ANKRD17: variants seen among roughly 807,000 people sequenced by gnomAD.
ANKRD17 encodes ankyrin repeat domain 17, also known as ankyrin repeat domain-containing protein 17.
ANKRD17 carries 19 observed loss-of-function variants against 229.7 expected under a neutral mutation model. That is an observed-to-expected ratio of 0.08 (90% CI 0.06 to 0.12). The LOEUF is 0.12. Among genes scored for constraint, ANKRD17 ranks in the 10% least tolerant of loss-of-function variants. The pLI is 1.00. For missense variants in ANKRD17, 2,176 were observed against 3,176.8 expected, an observed-to-expected ratio of 0.68 and a Z score of 7.57; for synonymous variants, 1,112 against 1,146.1, an observed-to-expected ratio of 0.97 and a Z score of 0.60.
intron 3 of ANKRD17, among the ~76,000 whole-genome samples, chr4:73,159,477 T>C (rs180861905): frequency 9.3e-4 from 141 of 152,348 alleles, no homozygotes; most frequent in Non-Finnish European, 1.7e-3. Flanking sequence ...GCCTGGCACA[T>C]GGCACTGTCC....
At chr4:73,245,360 G>GC (rs1217839136) in intron 1 of ANKRD17, among the ~76,000 whole-genome samples, 1 of 152,160 alleles carries the variant, frequency 6.6e-6, no homozygotes. Flanking sequence ...CTGACTTTAA[G>GC]CCAGGGTGAT....
At chr4:73,133,695 T>C (rs1212805320) in intron 16 of ANKRD17, among the ~76,000 whole-genome samples, 1 of 151,770 alleles carries the variant, frequency 6.6e-6, no homozygotes, top group Non-Finnish European at 1.5e-5. Flanking sequence ...CGCCCGGCCA[T>C]CTCGTATTTT....
intron 27 of ANKRD17, among the ~76,000 whole-genome samples, chr4:73,094,897 G>A (rs1375351943): frequency 6.6e-6 from 1 of 152,088 alleles, no homozygotes; most frequent in African/African-American, 2.4e-5. Context: ...ATGACTGGGA[G>A]TGGTGGCTCA....
At chr4:73,106,490 A>G (rs1724634781) in intron 24 of ANKRD17, among the ~76,000 whole-genome samples, 1 of 152,186 alleles carries the variant, frequency 6.6e-6, no homozygotes, top group Non-Finnish European at 1.5e-5. Context: ...CTGGAGAAAT[A>G]AGAGAGAAGA....
chr4:73,251,500 C>T (rs1053885891), intron 1 of ANKRD17, among the ~76,000 whole-genome samples: 7 of 151,618 alleles, frequency 4.6e-5, no homozygotes, highest in African/African-American at 7.3e-5. Flanking sequence ...TTACCCACCA[C>T]CTTCAATTCC....
intron 27 of ANKRD17, among the ~76,000 whole-genome samples, chr4:73,096,248 T>A (rs976030718): frequency 9.2e-5 from 14 of 152,208 alleles, no homozygotes; most frequent in Admixed American, 7.9e-4. Flanking sequence ...CCAAACTGTA[T>A]AACACAGTAT....
chr4:73,253,942 C>A (rs1260618332), intron 1 of ANKRD17, among the ~76,000 whole-genome samples: 2 of 152,160 alleles, frequency 1.3e-5, no homozygotes, highest in African/African-American at 4.8e-5. Context: ...ACTAGTTATT[C>A]ACTAAAAATG....
intron 30 of ANKRD17, among the ~76,000 whole-genome samples, chr4:73,082,345 G>C (rs1191540953): frequency 1.3e-5 from 2 of 151,748 alleles, no homozygotes. Flanking sequence ...AACATTAGCT[G>C]GGTGCTATGG....
intron 21 of ANKRD17, 28 bp from the exon 22 acceptor site, chr4:73,118,878 GTC>G: frequency 4.5e-5 from 43 of 946,158 alleles, no homozygotes; most frequent in Non-Finnish European, 5.8e-5. Context: ...AGATAGCATT[GTC>G]TTTTTTTTTT....
intron 10 of ANKRD17, among the ~76,000 whole-genome samples, chr4:73,145,592 T>C (rs899337637): frequency 6.6e-6 from 1 of 152,188 alleles, no homozygotes; most frequent in Non-Finnish European, 1.5e-5. Flanking sequence ...TCTTAAGCCA[T>C]ATCCTAGGTT....
At chr4:73,174,971 T>A (rs1180202632) in intron 2 of ANKRD17, among the ~76,000 whole-genome samples, 1 of 152,106 alleles carries the variant, frequency 6.6e-6, no homozygotes, top group African/African-American at 2.4e-5. Flanking sequence ...GTTGGAAGAA[T>A]CAATACTGTT....
At chr4:73,110,359 T>C (rs1578078274) in intron 24 of ANKRD17, among the ~76,000 whole-genome samples, 1 of 152,366 alleles carries the variant, frequency 6.6e-6, no homozygotes, top group East Asian at 1.9e-4. Flanking sequence ...CTGATCTCTT[T>C]TTCTTTTGTA....
intron 29 of ANKRD17, among the ~76,000 whole-genome samples, chr4:73,088,447 T>A (rs778321072): frequency 6.7e-4 from 102 of 152,318 alleles, no homozygotes; most frequent in Non-Finnish European, 1.3e-3. Context: ...GTCTTTCTTC[T>A]ATACCTTTTC....
chr4:73,113,383 T>G, intron 24 of ANKRD17: 1 of 1,289,972 alleles, frequency 7.8e-7, no homozygotes. Flanking sequence ...AGATTTGTAT[T>G]TCACTAGTTG....
At chr4:73,116,029 G>T (rs1414744199) in intron 22 of ANKRD17, 113 bp from the exon 23 acceptor site, 8 of 809,764 alleles carry the variant, frequency 9.9e-6, no homozygotes, top group Non-Finnish European at 1.4e-5. Context: ...AGACTAAATT[G>T]CATATTTACA....
Position 73,258,515 on chromosome 4 carries a change from G to T in ANKRD17, c.154C>A (p.Arg52Ser). 6.5e-7 allele frequency: 1 copy of T among 1,545,324 alleles called. No individual in the cohort carries two copies. ...SSRARSASSP[R>S]GMVRVCDLLL... ...AGGTCGCAGACTCGCACCATCCCAC[G>T]AGGAGACGAGGCCGAGCGAGCTCTG... is the stretch of plus-strand genomic sequence containing the variant. Residue 52 changes from arginine to serine, a missense_variant, in exon 1 of 34, where the codon CGT becomes AGT. Transcript: ENST00000358602.
chr4:73,225,619 G>A (rs1413450573), intron 1 of ANKRD17, among the ~76,000 whole-genome samples: 2 of 151,754 alleles, frequency 1.3e-5, no homozygotes, highest in Admixed American at 6.6e-5. Context: ...AGCACTCTGG[G>A]AGGCCCAGGC....
chr4:73,142,740 T>A lies in ANKRD17; in HGVS notation c.1985A>T (p.Asn662Ile). ...CAGGGACAGTACAGTATGGTCATTA[T>A]TAGCTGTGGTTCTATTCACATTCGC... Reference protein sequence around the residue: ...KGANVNRTTANNDHTVLSLAC... With the variant: ...KGANVNRTTAINDHTVLSLAC... The change falls in exon 12 of 34, where the codon AAT becomes ATT. Residue 662 changes from asparagine (N) to isoleucine (I), a missense_variant. Asn to Ile is a moderately radical substitution (Grantham distance 149). This residue lies in a region of ANKRD17 where 275 missense variants were observed against 386.9 expected (regional missense o/e 0.71). Transcript: ENST00000358602. The A allele has an allele frequency of 6.2e-7, 1 of 1,613,630 alleles. No individual in the cohort carries two copies. Among genetic ancestry groups the A allele is most frequent in the Non-Finnish European group, 8.5e-7 (1 of 1,179,762 alleles).
intron 23 of ANKRD17, 62 bp from the exon 24 acceptor site, chr4:73,113,970 T>A: frequency 8.3e-7 from 1 of 1,209,064 alleles, no homozygotes; most frequent in Non-Finnish European, 1.2e-6. Flanking sequence ...GAGAAATTCC[T>A]AAAAACACGA....
Sources: allele counts gnomAD v4.1 joint callset (sites outside exome capture counted in the v4.1 genomes callset), GRCh38; gene constraint gnomAD v4.1.1; regional missense constraint gnomAD v4.1.1; transcripts MANE v1.5; gene names NCBI Gene and HGNC (gene_info 2026-07-23, HGNC 2026-07-21).